Variants in AMOTL1 observed in about 807,000 individuals in gnomAD.
The protein encoded by AMOTL1 is angiomotin like 1, also known as angiomotin-like protein 1.
AMOTL1 carries 45 observed loss-of-function variants against 102.9 expected under a neutral mutation model. That is an observed-to-expected ratio of 0.44 (90% CI 0.34 to 0.56). AMOTL1 has a LOEUF of 0.56. Among genes scored for constraint, AMOTL1 ranks in the 20% least tolerant of loss-of-function variants. The probability of loss-of-function intolerance (pLI) is 0.01; values close to 1 mark genes in which losing one functional copy is unlikely to be tolerated. For synonymous variants in AMOTL1, 481 were observed against 484.7 expected (o/e 0.99, Z 0.10); for missense variants, 1,114 against 1,225.6 (o/e 0.91, Z 1.36).
intron 2 of AMOTL1, among the ~76,000 whole-genome samples, chr11:94,737,387 A>G (rs895641342): frequency 6.6e-6 from 1 of 152,242 alleles, no homozygotes. Flanking sequence ...AAAAGAGTCC[A>G]TTTGTGTCAG....
chr11:94,786,591 CT>C (rs2135542609), intron 1 of AMOTL1, among the ~76,000 whole-genome samples: 1 of 150,756 alleles, frequency 6.6e-6, no homozygotes, highest in East Asian at 1.9e-4. Context: ...TTCTTTTTTT[CT>C]TTTTTATTAT....
At chr11:94,726,718 T>TTTAC (rs1950266273) in intron 1 of AMOTL1, among the ~76,000 whole-genome samples, 1 of 152,154 alleles carries the variant, frequency 6.6e-6, no homozygotes, top group South Asian at 2.1e-4. Context: ...TAGAAATTCT[T>TTTAC]TAGTAAGTTA....
rs1362605141 is a variant in AMOTL1, at chr11:94,874,119, A to G, written c.*3324A>G. 1 of 152,216 alleles carries G rather than the reference A, an allele frequency of 6.6e-6. No homozygotes were observed. Among genetic ancestry groups the G allele is most frequent in the East Asian group, 1.9e-4 (1 of 5,196 alleles). 9.4% of individuals were successfully genotyped at this position (152,216 alleles called of 1,614,324 possible). A position where few individuals can be genotyped will look rare whatever the true frequency, so the allele number is the denominator to read the frequency against. On this transcript the variant is annotated 3_prime_UTR_variant, in exon 13 of 13. Coordinates refer to ENST00000433060, the MANE Select transcript of AMOTL1 (RefSeq NM_130847.3). Reference sequence around the variant, plus strand: ...TGTCTGGCAGTTTCTGTGTGCTGCCAGGATATTATATGGAACTGGAGAAGT... The same window carrying G: ...TGTCTGGCAGTTTCTGTGTGCTGCCGGGATATTATATGGAACTGGAGAAGT...
chr11:94,817,111 T>C (rs1294249777), intron 3 of AMOTL1, among the ~76,000 whole-genome samples: 4 of 152,174 alleles, frequency 2.6e-5, no homozygotes, highest in Non-Finnish European at 4.4e-5. Flanking sequence ...TTTAATAAAT[T>C]TACTTACAGA....
In AMOTL1 at chr11:94,805,086, G is replaced by A. The variant is rs544454073; in HGVS notation, c.1121+4775G>A. Among the ~76,000 whole-genome samples the A allele has an allele frequency of 1.2e-3, 189 of 152,364 alleles. 1 individual carries two copies. Among genetic ancestry groups the A allele is most frequent in the African/African-American group, 4.3e-3 (179 of 41,590 alleles). Reference sequence around the variant, plus strand: ...CCTGGAATGCTTTGCTGCACACTGCGTCTCCCACGAGTGTAAACACTTGGC... The same window carrying A: ...CCTGGAATGCTTTGCTGCACACTGCATCTCCCACGAGTGTAAACACTTGGC... On this transcript the variant is annotated intron_variant, in intron 3 of 12. Transcript: ENST00000433060.
At chr11:94,863,461 G>A (rs868636639) in intron 9 of AMOTL1, among the ~76,000 whole-genome samples, 6 of 152,036 alleles carry the variant, frequency 3.9e-5, no homozygotes, top group Non-Finnish European at 5.9e-5. Context: ...ATGTGGTGAC[G>A]CATGTCTGTA....
At chr11:94,732,389 T>C (rs530259497) in intron 2 of AMOTL1, among the ~76,000 whole-genome samples, 2 of 152,256 alleles carry the variant, frequency 1.3e-5, no homozygotes, top group East Asian at 1.9e-4. Flanking sequence ...GAACCCAGGA[T>C]GTTTGGGGGT....
intron 2 of AMOTL1, among the ~76,000 whole-genome samples, chr11:94,740,509 G>C (rs1341911791): frequency 6.6e-6 from 1 of 151,704 alleles, no homozygotes; most frequent in Non-Finnish European, 1.5e-5. Context: ...GCTCGCCGCC[G>C]CCGCCGCGCG....
chr11:94,712,841 A>G (rs530327695), intron 1 of AMOTL1, among the ~76,000 whole-genome samples: 83 of 152,090 alleles, frequency 5.5e-4, no homozygotes, highest in Non-Finnish European at 1.0e-3. Flanking sequence ...TAATTTTCAT[A>G]AAGTCCAGTT....
chr11:94,813,761 C>T (rs1951722146), intron 3 of AMOTL1, among the ~76,000 whole-genome samples: 1 of 152,206 alleles, frequency 6.6e-6, no homozygotes, highest in Non-Finnish European at 1.5e-5. Flanking sequence ...GTCACAGGAG[C>T]TTCGATCAGG....
At chr11:94,756,542 G>A (rs183296752) in intron 3 of AMOTL1, among the ~76,000 whole-genome samples, 5 of 152,104 alleles carry the variant, frequency 3.3e-5, no homozygotes, top group Admixed American at 2.6e-4. Context: ...TAAAATGCGG[G>A]TCAGGACCCC....
intron 1 of AMOTL1, among the ~76,000 whole-genome samples, chr11:94,794,279 G>T (rs141669556): frequency 6.6e-6 from 1 of 152,186 alleles, no homozygotes; most frequent in Non-Finnish European, 1.5e-5. Flanking sequence ...GCCTGGGCCC[G>T]TCCTGCTGAA....
chr11:94,864,098 G>A (rs114838854), intron 9 of AMOTL1, among the ~76,000 whole-genome samples: 2,023 of 152,264 alleles, frequency 0.013, 44 homozygotes, highest in African/African-American at 0.046. Context: ...TCAGTTTTAA[G>A]TATTTACTGA....
intron 1 of AMOTL1, among the ~76,000 whole-genome samples, chr11:94,769,542 C>T (rs1591947030): frequency 6.6e-6 from 1 of 152,354 alleles, no homozygotes; most frequent in South Asian, 2.1e-4. Context: ...CCACCCTACT[C>T]TTCCTATCTT....
In AMOTL1 at chr11:94,859,732, T is replaced by C; in HGVS notation, c.2135+17T>C. Reference sequence around the variant, plus strand: ...AGCTGAGAGGTGAGACCAGTGGAACTCTGGTGGTCATAAAAGCACAGTTAA... The same window carrying C: ...AGCTGAGAGGTGAGACCAGTGGAACCCTGGTGGTCATAAAAGCACAGTTAA... On this transcript the variant is annotated intron_variant, in intron 9 of 12. Coordinates refer to ENST00000433060, the MANE Select transcript of AMOTL1 (RefSeq NM_130847.3). 6.3e-7 allele frequency: 1 copy of C among 1,584,270 alleles called. No individual in the cohort carries two copies. The highest frequency in any genetic ancestry group is 1.7e-4 in the Middle Eastern group (1 of 5,964).
intron 1 of AMOTL1, among the ~76,000 whole-genome samples, chr11:94,794,430 G>C (rs1951331225): frequency 6.6e-6 from 1 of 152,146 alleles, no homozygotes; most frequent in African/African-American, 2.4e-5. Context: ...AGATAAACTG[G>C]AGCTGAAAGG....
In AMOTL1 at chr11:94,782,332, CTT is replaced by C. The variant is rs371234769; in HGVS notation, c.50-12678_50-12677del. Among the ~76,000 whole-genome samples the C allele has an allele frequency of 4.6e-3, 703 of 152,224 alleles. 9 individuals carry two copies. Among genetic ancestry groups the C allele is most frequent in the African/African-American group, 0.016 (655 of 41,512 alleles). Reference sequence around the variant, plus strand: ...ATTTTAATTTTGGAATTTTTGGAAACTTGTATCTGCCACCGTGAACTGGACAA... The same window carrying C: ...ATTTTAATTTTGGAATTTTTGGAAACGTATCTGCCACCGTGAACTGGACAA... On this transcript the variant is annotated intron_variant, in intron 1 of 12. Coordinates refer to ENST00000433060, the MANE Select transcript of AMOTL1 (RefSeq NM_130847.3).
intron 2 of AMOTL1, among the ~76,000 whole-genome samples, chr11:94,798,382 G>A (rs780202391): frequency 1.3e-5 from 2 of 152,182 alleles, no homozygotes; most frequent in Non-Finnish European, 2.9e-5. Context: ...ATGTTGAGAA[G>A]GTTGAATTGA....
At chr11:94,754,404 A>C (rs758629555) in intron 3 of AMOTL1, among the ~76,000 whole-genome samples, 6 of 152,224 alleles carry the variant, frequency 3.9e-5, no homozygotes, top group Non-Finnish European at 8.8e-5. Flanking sequence ...AATGAAGCTG[A>C]ATCTTCTCTC....
Sources: allele counts gnomAD v4.1 joint callset (sites outside exome capture counted in the v4.1 genomes callset), GRCh38; gene constraint gnomAD v4.1.1; transcripts MANE v1.5; gene names NCBI Gene and HGNC (gene_info 2026-07-23, HGNC 2026-07-21).